Variants in NR5A2 observed in about 807,000 individuals in gnomAD.
NR5A2 encodes the protein nuclear receptor subfamily 5 group A member 2, also known as CYP7A promoter-binding factor.
A neutral mutation model predicts 62.7 loss-of-function variants in NR5A2; 26 were observed. That is an observed-to-expected ratio of 0.41 (90% confidence interval 0.30 to 0.58). NR5A2 has a LOEUF of 0.58. Among genes scored for constraint, NR5A2 ranks in the 20% least tolerant of loss-of-function variants. The pLI is 0.22. For synonymous variants in NR5A2, 246 were observed against 241.7 expected (o/e 1.02, Z -0.16); for missense variants, 541 against 669.1 (o/e 0.81, Z 2.11).
intron 7 of NR5A2, among the ~76,000 whole-genome samples, chr1:200,124,578 GTTTTC>G (rs1227817998): frequency 6.6e-6 from 1 of 152,178 alleles, no homozygotes; most frequent in East Asian, 1.9e-4. Flanking sequence ...TAGTTTTAAT[GTTTTC>G]TTTACATTTC....
At chr1:200,166,344 C>T (rs1443734882) in intron 7 of NR5A2, among the ~76,000 whole-genome samples, 3 of 152,150 alleles carry the variant, frequency 2.0e-5, no homozygotes, top group Non-Finnish European at 4.4e-5. Context: ...TGCCCCATAA[C>T]ACTAGACTGT....
At chr1:200,080,512 T>C (rs1306932365) in intron 5 of NR5A2, among the ~76,000 whole-genome samples, 2 of 152,186 alleles carry the variant, frequency 1.3e-5, no homozygotes, top group African/African-American at 2.4e-5. Flanking sequence ...GCTTATTTTA[T>C]GGCAAGCATT....
At chr1:200,104,771 TC>T (rs2102280175) in intron 5 of NR5A2, among the ~76,000 whole-genome samples, 2 of 152,334 alleles carry the variant, frequency 1.3e-5, no homozygotes, top group African/African-American at 4.8e-5. Context: ...CAAGCAATTC[TC>T]CTGTCTCAGC....
chr1:200,135,648 G>A (rs1407731609), intron 7 of NR5A2, among the ~76,000 whole-genome samples: 1 of 152,122 alleles, frequency 6.6e-6, no homozygotes, highest in Non-Finnish European at 1.5e-5. Flanking sequence ...CTTGAATTCA[G>A]ATTCTTGTTC....
rs1206731428 is a variant in NR5A2, at chr1:200,039,882, G to A, written c.202+87G>A. On this transcript the variant is annotated intron_variant, in intron 2 of 7. Transcript: ENST00000367362. This position sits in a 1 kb window ranked among gnomAD's most constrained non-coding sequence, Gnocchi z 5.1. ...CAGGCTTCAGCCTCCCGCCCCGCGC[G>A]GGCGCGGGAGTAGCCCCGCTGGGCG... 2.8e-6 allele frequency: 4 copies of A among 1,440,816 alleles called. No individual in the cohort carries two copies. The African/African-American group carries it at 4.6e-5, about 17-fold the overall frequency. 89.3% of individuals were successfully genotyped at this position (1,440,816 alleles called of 1,614,324 possible). A position where few individuals can be genotyped will look rare whatever the true frequency, so the allele number is the denominator to read the frequency against.
At chr1:200,052,505 C>T (rs1344298333) in intron 5 of NR5A2, among the ~76,000 whole-genome samples, 1 of 152,042 alleles carries the variant, frequency 6.6e-6, no homozygotes, top group East Asian at 1.9e-4. Context: ...AATATCTGTC[C>T]TTTTCCTTGG....
chr1:200,108,081 C>CGTGTGTGTGTGTGTGTGTGTGTGTGT (rs71132660), intron 5 of NR5A2, among the ~76,000 whole-genome samples: 105 of 146,870 alleles, frequency 7.1e-4, no homozygotes, highest in Middle Eastern at 6.9e-3. Flanking sequence ...AGAAGACATA[C>CGTGTGTGTGTGTGTGTGTGTGTGTGT]GTGTGTGTGT....
intron 7 of NR5A2, among the ~76,000 whole-genome samples, chr1:200,160,334 G>A (rs907915295): frequency 1.3e-5 from 2 of 152,106 alleles, no homozygotes; most frequent in Non-Finnish European, 2.9e-5. Flanking sequence ...TCCAGTCAAC[G>A]GTTTATTCTG....
intron 1 of NR5A2, among the ~76,000 whole-genome samples, chr1:200,034,523 C>T (rs923705716): frequency 2.7e-5 from 4 of 146,512 alleles, no homozygotes; most frequent in African/African-American, 1.0e-4. Context: ...ATACAAAGAG[C>T]CGTAGATTCC....
chr1:200,137,317 ATT>A (rs775106954), intron 7 of NR5A2, among the ~76,000 whole-genome samples: 3,284 of 131,058 alleles, frequency 0.025, 99 homozygotes, highest in African/African-American at 0.083. Context: ...CACCTGGCTA[ATT>A]TTTTTTTTTT....
At chr1:200,144,347 C>T (rs957219029) in intron 7 of NR5A2, among the ~76,000 whole-genome samples, 3 of 152,046 alleles carry the variant, frequency 2.0e-5, no homozygotes, top group Non-Finnish European at 4.4e-5. Flanking sequence ...GTTTGTGTCT[C>T]ACCATTCTCC....
At chr1:200,068,298 C>T (rs1194612382) in intron 5 of NR5A2, among the ~76,000 whole-genome samples, 2 of 152,150 alleles carry the variant, frequency 1.3e-5, no homozygotes, top group Non-Finnish European at 2.9e-5. Flanking sequence ...TACAAAATTA[C>T]AGATGAGCAT....
chr1:200,082,372 TTGC>T (rs947213262), intron 5 of NR5A2, among the ~76,000 whole-genome samples: 9 of 152,358 alleles, frequency 5.9e-5, no homozygotes, highest in African/African-American at 1.9e-4. Context: ...ATATATTTTG[TTGC>T]TGCTGTTATG....
chr1:200,140,374 G>A (rs188216279), intron 7 of NR5A2, among the ~76,000 whole-genome samples: 11 of 152,172 alleles, frequency 7.2e-5, no homozygotes, highest in African/African-American at 2.6e-4. Flanking sequence ...ACCACACCTC[G>A]CCACTTATTT....
chr1:200,159,721 G>A (rs1338032416), intron 7 of NR5A2, among the ~76,000 whole-genome samples: 1 of 151,384 alleles, frequency 6.6e-6, no homozygotes, highest in South Asian at 2.1e-4. Flanking sequence ...GTGCCATCTC[G>A]GCTCACTGCA....
intron 7 of NR5A2, among the ~76,000 whole-genome samples, chr1:200,125,171 A>G (rs1446146789): frequency 2.6e-5 from 4 of 152,248 alleles, no homozygotes; most frequent in Non-Finnish European, 5.9e-5. Context: ...AAGAAAAATT[A>G]GAAAGAATAT....
intron 7 of NR5A2, among the ~76,000 whole-genome samples, chr1:200,162,717 G>A (rs537066129): frequency 6.6e-5 from 10 of 152,148 alleles, no homozygotes; most frequent in Non-Finnish European, 1.2e-4. Context: ...GGTGATGGCT[G>A]GATTGGAAAA....
chr1:200,099,342 C>A (rs1404397662), intron 5 of NR5A2, among the ~76,000 whole-genome samples: 2 of 37,586 alleles, frequency 5.3e-5, no homozygotes, highest in Non-Finnish European at 9.7e-5. Context: ...CCTCTATAAG[C>A]CTTTTTTTTT....
intron 5 of NR5A2, among the ~76,000 whole-genome samples, chr1:200,066,932 T>C (rs1209653264): frequency 6.6e-6 from 1 of 152,220 alleles, no homozygotes; most frequent in African/African-American, 2.4e-5. Context: ...TATGTACAAC[T>C]TAAATCCTTC....
Sources: allele counts gnomAD v4.1 joint callset (sites outside exome capture counted in the v4.1 genomes callset), GRCh38; gene constraint gnomAD v4.1.1; non-coding constraint Gnocchi (gnomAD v3.1); transcripts MANE v1.5; gene names NCBI Gene and HGNC (gene_info 2026-07-23, HGNC 2026-07-21).